COL22A1: variants seen among roughly 807,000 people sequenced by gnomAD.
The protein encoded by COL22A1 is collagen alpha-1(XXII) chain.
COL22A1 carries 221 observed loss-of-function variants against 248.9 expected under a neutral mutation model. The observed-to-expected ratio is 0.89, with a 90% CI of 0.80 to 0.99. The LOEUF (loss-of-function observed/expected upper bound fraction) is 0.99. COL22A1 is among the 50% of genes least tolerant of loss of function. The pLI is 0.00. For synonymous variants in COL22A1, 891 were observed against 793.4 expected, an observed-to-expected ratio of 1.12 and a Z score of -2.07; for missense variants, 2,240 against 2,179.0, an observed-to-expected ratio of 1.03 and a Z score of -0.56.
At chr8:138,601,007 C>A (rs1817957912) in intron 60 of COL22A1, among the ~76,000 whole-genome samples, 1 of 152,178 alleles carries the variant, frequency 6.6e-6, no homozygotes, top group African/African-American at 2.4e-5. Context: ...GGCTCCCTGG[C>A]AATGTGCCAT....
At chr8:138,728,172 A>G (rs1657211706) in intron 23 of COL22A1, among the ~76,000 whole-genome samples, 1 of 152,104 alleles carries the variant, frequency 6.6e-6, no homozygotes. Context: ...AGCTGAGACT[A>G]CAGGCGTGTG....
Position 138,796,833 on chromosome 8 carries a change from C to G in COL22A1, c.1582G>C (p.Glu528Gln). Residue 528 changes from glutamate (E) to glutamine (Q), a missense_variant, in exon 12 of 65, where the codon GAA becomes CAA. Glu to Gln is a conservative substitution (Grantham distance 29). Coordinates refer to ENST00000303045, the MANE Select transcript of COL22A1 (RefSeq NM_152888.3). Reference protein sequence around the residue: ...DVGIGPFGQGEKGEKGSLGLP... With the variant: ...DVGIGPFGQGQKGEKGSLGLP... Reference sequence around the variant, plus strand: ...AAGATGCTTACCTTTTCACCCTTTTCCCCTTGGCCAAAAGGTCCTATGCCC... The same window carrying G: ...AAGATGCTTACCTTTTCACCCTTTTGCCCTTGGCCAAAAGGTCCTATGCCC... 2 of 1,601,644 alleles carry G rather than the reference C, an allele frequency of 1.2e-6. No individual in the cohort carries two copies. The highest frequency in any genetic ancestry group is 8.6e-7 in the Non-Finnish European group (1 of 1,168,726).
chr8:138,800,559 A>T (rs977160167), intron 11 of COL22A1, among the ~76,000 whole-genome samples: 1 of 152,226 alleles, frequency 6.6e-6, no homozygotes, highest in Non-Finnish European at 1.5e-5. Flanking sequence ...TGAAGCTAGT[A>T]GGTTGTGGAA....
chr8:138,667,019 G>A (rs539453536), intron 41 of COL22A1, among the ~76,000 whole-genome samples: 7 of 152,186 alleles, frequency 4.6e-5, no homozygotes, highest in African/African-American at 7.2e-5. Flanking sequence ...GATACTATAA[G>A]TAGAGGAGCA....
rs560585442 is a variant in COL22A1 at position 138,608,090 on chromosome 8, A to T, written c.3979-101T>A. ...TGCACAGGACTTGGTTTTACACAGA[A>T]TCTGTTACTCTAGCCAGTGTGGCTC... On this transcript the variant is annotated intron_variant, in intron 56 of 64. Transcript: ENST00000303045. 6 of 1,017,424 alleles carry T rather than the reference A, an allele frequency of 5.9e-6. No individual in the cohort carries two copies. The African/African-American group carries it at 9.6e-5, about 16-fold the overall frequency. 63.0% of individuals were successfully genotyped at this position (1,017,424 alleles called of 1,614,324 possible). A position where few individuals can be genotyped will look rare whatever the true frequency, so the allele number is the denominator to read the frequency against.
rs1816820101 is a variant in COL22A1, at chr8:138,589,127, A to T, written c.*126T>A. The stretch of plus-strand genomic sequence containing the variant: ...CTCTCAAGAAAATAAAACAAAAAGC[A>T]AACGATAAAAGAAAGAAAAAAAAAA... On this transcript the variant is annotated 3_prime_UTR_variant, in exon 65 of 65. Transcript: ENST00000303045. The T allele has an allele frequency of 2.3e-6, 2 of 882,220 alleles. No homozygotes were observed. Among genetic ancestry groups the T allele is most frequent in the South Asian group, 3.3e-5 (2 of 60,114 alleles). 54.6% of individuals were successfully genotyped at this position (882,220 alleles called of 1,614,324 possible).
intron 16 of COL22A1, among the ~76,000 whole-genome samples, chr8:138,768,362 C>G (rs34698292): frequency 0.035 from 5,390 of 152,254 alleles, 112 homozygotes; most frequent in Non-Finnish European, 0.051. Context: ...GGCTTGGCCA[C>G]AGGATCGCCT....
At chr8:138,646,418 A>G (rs1386087098) in intron 47 of COL22A1, among the ~76,000 whole-genome samples, 2 of 152,216 alleles carry the variant, frequency 1.3e-5, no homozygotes, top group Non-Finnish European at 2.9e-5. Context: ...TCCAACAAGC[A>G]GTTGTTTGTA....
At chr8:138,705,822 A>C (rs1439968304) in intron 30 of COL22A1, among the ~76,000 whole-genome samples, 1 of 152,234 alleles carries the variant, frequency 6.6e-6, no homozygotes, top group Non-Finnish European at 1.5e-5. Flanking sequence ...CTCCAATTAA[A>C]AGACACAGAC....
At chr8:138,906,147 G>A (rs1203379919) in intron 1 of COL22A1, among the ~76,000 whole-genome samples, 1 of 152,128 alleles carries the variant, frequency 6.6e-6, no homozygotes, top group African/African-American at 2.4e-5. Context: ...GAGGCGGGCG[G>A]GTCACGAGGT....
At chr8:138,687,934 C>T (rs1236989770) in intron 37 of COL22A1, among the ~76,000 whole-genome samples, 1 of 152,166 alleles carries the variant, frequency 6.6e-6, no homozygotes, top group African/African-American at 2.4e-5. Context: ...AAAATATCTC[C>T]CTGGGTAAAA....
intron 60 of COL22A1, among the ~76,000 whole-genome samples, chr8:138,601,283 G>A (rs961833391): frequency 1.2e-4 from 19 of 152,118 alleles, no homozygotes; most frequent in Admixed American, 1.2e-3. Context: ...AAGGAGACAG[G>A]AGGAAGATCC....
intron 2 of COL22A1, 87 bp downstream of exon 2, chr8:138,882,995 G>A (rs1824356062): frequency 8.4e-7 from 1 of 1,189,940 alleles, no homozygotes; most frequent in Admixed American, 2.2e-5. Flanking sequence ...GAACTCACTT[G>A]CATGCACACA....
At chr8:138,844,243 A>C in intron 3 of COL22A1, 85 bp from the exon 4 acceptor site, 1 of 1,265,322 alleles carries the variant, frequency 7.9e-7, no homozygotes, top group South Asian at 1.2e-5. Context: ...ACAAGACCCC[A>C]CCCTGCCTTG....
intron 45 of COL22A1, 43 bp downstream of exon 45, chr8:138,655,854 T>A: frequency 6.6e-7 from 1 of 1,509,972 alleles, no homozygotes; most frequent in African/African-American, 1.4e-5. Flanking sequence ...AATCCCGCCA[T>A]CACCATTTTC....
intron 47 of COL22A1, among the ~76,000 whole-genome samples, chr8:138,646,293 G>A (rs922371507): frequency 2.6e-5 from 4 of 152,118 alleles, no homozygotes; most frequent in Non-Finnish European, 5.9e-5. Flanking sequence ...ACAAATATCT[G>A]ACACCATTTG....
intron 23 of COL22A1, among the ~76,000 whole-genome samples, chr8:138,727,460 A>G (rs1156573291): frequency 6.6e-6 from 1 of 152,182 alleles, no homozygotes; most frequent in Non-Finnish European, 1.5e-5. Context: ...TGTGGCATCC[A>G]GCAGGCGCTC....
chr8:138,892,076 TGA>T lies in COL22A1; in HGVS notation c.-72-8834_-72-8833del, dbSNP rs563145110. On this transcript the variant is annotated intron_variant, in intron 1 of 64. Transcript: ENST00000303045. ...TTGAGGATCTTGACATCTATGTTCA[TGA>T]GAGTTACTGGTCTGTGGTTTCTTGT... 1.2e-4 allele frequency among the ~76,000 whole-genome samples: 18 copies of T among 152,326 alleles called. No homozygotes were observed. In the South Asian group the frequency reaches 3.5e-3, roughly 30 times the overall value.
intron 25 of COL22A1, among the ~76,000 whole-genome samples, chr8:138,724,057 C>T (rs73443088): frequency 1.8e-3 from 278 of 152,168 alleles, no homozygotes; most frequent in African/African-American, 6.4e-3. Context: ...ATCATGAGAT[C>T]TACCCAGGTC....
Sources: allele counts gnomAD v4.1 joint callset (sites outside exome capture counted in the v4.1 genomes callset), GRCh38; gene constraint gnomAD v4.1.1; transcripts MANE v1.5; gene names NCBI Gene and HGNC (gene_info 2026-07-23, HGNC 2026-07-21).